The following EIF4G3 variants were observed in gnomAD, a reference collection of about 807,000 sequenced individuals.
The protein encoded by EIF4G3 is eukaryotic translation initiation factor 4 gamma 3.
A neutral mutation model predicts 186.4 loss-of-function variants in EIF4G3; 34 were observed. That is an observed-to-expected ratio of 0.18 (90% CI 0.14 to 0.24). EIF4G3 has a LOEUF of 0.24. Among genes scored for constraint, EIF4G3 ranks in the 10% least tolerant of loss-of-function variants. The pLI, the probability that EIF4G3 is intolerant of heterozygous loss-of-function variation, is 1.00. For synonymous variants in EIF4G3, 673 were observed against 679.5 expected (o/e 0.99, Z 0.15); for missense variants, 1,536 against 1,948.5 (o/e 0.79, Z 3.99).
chr1:20,928,388 G>A (rs766518698), intron 14 of EIF4G3, among the ~76,000 whole-genome samples: 15 of 152,024 alleles, frequency 9.9e-5, no homozygotes, highest in Middle Eastern at 3.4e-3. Flanking sequence ...AGATGCTGGT[G>A]GCACCACCAT....
In EIF4G3 at chr1:21,013,100, CTA is replaced by C. The variant is rs145253962; in HGVS notation, c.-66-10294_-66-10293del. 8.3e-3 allele frequency among the ~76,000 whole-genome samples: 1,260 copies of C among 152,096 alleles called. 14 individuals carry two copies. The highest frequency in any genetic ancestry group is 0.015 in the Non-Finnish European group (1,012 of 67,994). On this transcript the variant is annotated intron_variant, in intron 4 of 36. Transcript: ENST00000602326. ...TAGAGTCCAGGGAAGCTATCCCTGA[CTA>C]TATCTCAGAGGGGCCCTCAGGGAAG... is the stretch of plus-strand genomic sequence containing the variant.
intron 34 of EIF4G3, 41 bp from the exon 35 acceptor site, chr1:20,813,280 T>C (rs1413936184): frequency 6.7e-7 from 1 of 1,492,482 alleles, no homozygotes; most frequent in Non-Finnish European, 9.3e-7. Flanking sequence ...GATACCTTGC[T>C]CAGCCAGGCA....
chr1:20,955,917 A>G (rs2096401440), intron 12 of EIF4G3, among the ~76,000 whole-genome samples: 1 of 152,180 alleles, frequency 6.6e-6, no homozygotes, highest in Non-Finnish European at 1.5e-5. Flanking sequence ...CTTGTGAAAT[A>G]ACTGAGTACA....
At chr1:20,910,434 A>C (rs773346173) in intron 14 of EIF4G3, among the ~76,000 whole-genome samples, 14 of 152,064 alleles carry the variant, frequency 9.2e-5, no homozygotes, top group Non-Finnish European at 1.8e-4. Flanking sequence ...AAATACAAAA[A>C]TTAGCCAGGC....
chr1:20,965,767 A>T (rs2074513397), intron 12 of EIF4G3, among the ~76,000 whole-genome samples: 1 of 100,242 alleles, frequency 1.0e-5, no homozygotes, highest in South Asian at 2.8e-4. Context: ...TAATTGTAAT[A>T]TTAGTAATAG....
At position 20,904,891 on chromosome 1, in the gene EIF4G3, C is replaced by T; in HGVS notation, c.1744G>A (p.Glu582Lys). The T allele has an allele frequency of 5.0e-6, 8 of 1,613,468 alleles. No homozygotes were observed. The highest frequency in any genetic ancestry group is 6.8e-6 in the Non-Finnish European group (8 of 1,179,512). Residue 582 changes from glutamate (E) to lysine (K), a missense_variant, in exon 15 of 37, where the codon GAA (glutamate) becomes AAA (lysine). Physicochemically the swap from Glu to Lys is moderately conservative, Grantham distance 56. This residue lies in a region of EIF4G3 where 560 missense variants were observed against 547.8 expected (regional missense o/e 1.02). Coordinates refer to ENST00000602326, the MANE Select transcript of EIF4G3 (RefSeq NM_001391906.1). ...TRTTEEMLEA[E>K]LELKAEEELS... ...TTAAGAGATTTGCTTACCTCCAATT[C>T]TGCCTCTAACATCTCTTCAGTGGTT... is the stretch of plus-strand genomic sequence containing the variant.
intron 7 of EIF4G3, among the ~76,000 whole-genome samples, chr1:20,989,706 C>A (rs539683093): frequency 2.0e-5 from 3 of 151,942 alleles, no homozygotes; most frequent in Admixed American, 6.6e-5. Flanking sequence ...AATCTACTCC[C>A]GGTAAGGAGC....
chr1:20,900,412 T>C (rs942003209), intron 15 of EIF4G3, among the ~76,000 whole-genome samples: 4 of 151,998 alleles, frequency 2.6e-5, no homozygotes, highest in Non-Finnish European at 5.9e-5. Flanking sequence ...AAACTGATCA[T>C]ATCTCATTTT....
At position 20,865,170 on chromosome 1, in the gene EIF4G3, T is replaced by C. The variant is rs769967688; in HGVS notation, c.2715A>G (p.Lys905=). The part of the protein sequence containing the change: ...NRCQKEFEKD[K]ADDDVFEKKQ... ...TCTTCTCAAAGACATCATCATCTGCTTTATCTTTTTCAAACTCCTTCTGGC... is the reference window on the plus strand; with the variant it reads ...TCTTCTCAAAGACATCATCATCTGCCTTATCTTTTTCAAACTCCTTCTGGC... The change falls in exon 21 of 37, where the codon AAA becomes AAG. Residue 905 remains lysine (K), a synonymous_variant. Transcript: ENST00000602326. The C allele has an allele frequency of 1.9e-6, 3 of 1,614,054 alleles. No homozygotes were observed. The highest frequency in any genetic ancestry group is 2.5e-6 in the Non-Finnish European group (3 of 1,180,016).
intron 3 of EIF4G3, among the ~76,000 whole-genome samples, chr1:21,058,531 A>AT (rs113674702): frequency 8.5e-4 from 124 of 146,582 alleles, no homozygotes; most frequent in Admixed American, 1.6e-3. Context: ...TTGCTTTTTC[A>AT]TTTTTTTTTT....
intron 12 of EIF4G3, among the ~76,000 whole-genome samples, chr1:20,960,489 A>C (rs1236921135): frequency 3.9e-5 from 6 of 152,048 alleles, no homozygotes; most frequent in Non-Finnish European, 8.8e-5. Flanking sequence ...CAGCTGGTGC[A>C]GTGGCTCATA....
chr1:20,915,656 G>A (rs914757453), intron 14 of EIF4G3, among the ~76,000 whole-genome samples: 7 of 152,082 alleles, frequency 4.6e-5, no homozygotes, highest in African/African-American at 1.4e-4. Context: ...AAAAGCAATT[G>A]ATAAAATCCA....
At chr1:21,021,884 C>T (rs12094042) in intron 4 of EIF4G3, among the ~76,000 whole-genome samples, 4,985 of 152,138 alleles carry the variant, frequency 0.033, 271 homozygotes, top group African/African-American at 0.11. Context: ...AATTACAGTA[C>T]ATGGTAGGCA....
chr1:21,087,232 G>A (rs2096016009), intron 3 of EIF4G3, among the ~76,000 whole-genome samples: 1 of 152,046 alleles, frequency 6.6e-6, no homozygotes, highest in Non-Finnish European at 1.5e-5. Context: ...TAAAAGATAG[G>A]TTTCACTCCC....
chr1:20,897,529 AT>A (rs932626880), intron 16 of EIF4G3, among the ~76,000 whole-genome samples: 1 of 151,934 alleles, frequency 6.6e-6, no homozygotes, highest in Admixed American at 6.6e-5. Context: ...CTAAAAAAAA[AT>A]CACAGTTTTC....
intron 20 of EIF4G3, among the ~76,000 whole-genome samples, chr1:20,873,737 A>C (rs76460550): frequency 2.3e-5 from 3 of 129,316 alleles, no homozygotes; most frequent in Admixed American, 1.6e-4. Flanking sequence ...AAAAAAAAAA[A>C]CCACGAGATA....
At chr1:21,097,781 C>T (rs1267265928) in intron 2 of EIF4G3, among the ~76,000 whole-genome samples, 1 of 152,132 alleles carries the variant, frequency 6.6e-6, no homozygotes, top group Non-Finnish European at 1.5e-5. Flanking sequence ...ACACTCTCTA[C>T]CAACACCTCA....
intron 4 of EIF4G3, among the ~76,000 whole-genome samples, chr1:21,028,555 TTGGTTGTGTTA>T (rs1449331442): frequency 9.2e-5 from 14 of 152,180 alleles, no homozygotes; most frequent in Non-Finnish European, 1.6e-4. Flanking sequence ...TGAGTGGTGG[TTGGTTGTGTTA>T]TGATTATCCT....
intron 19 of EIF4G3, among the ~76,000 whole-genome samples, chr1:20,882,558 T>G (rs1572152083): frequency 6.7e-6 from 1 of 148,258 alleles, no homozygotes; most frequent in South Asian, 2.2e-4. Flanking sequence ...GAGGCGGAGG[T>G]TGCAGTGAGC....
Sources: allele counts gnomAD v4.1 joint callset (sites outside exome capture counted in the v4.1 genomes callset), GRCh38; gene constraint gnomAD v4.1.1; regional missense constraint gnomAD v4.1.1; transcripts MANE v1.5; gene names NCBI Gene and HGNC (gene_info 2026-07-23, HGNC 2026-07-21).